Variants in GDA observed in about 807,000 individuals in gnomAD.
The protein encoded by GDA is guanine deaminase.
Under a neutral mutation model 59.6 loss-of-function variants are expected in GDA, and 18 were observed. That is an observed-to-expected ratio of 0.30 (90% CI 0.21 to 0.45). The LOEUF is 0.45. GDA is among the 20% of genes least tolerant of loss of function. The pLI is 1.00. For missense variants in GDA, 427 were observed against 552.3 expected, an observed-to-expected ratio of 0.77 and a Z score of 2.27; for synonymous variants, 201 against 201.1, an observed-to-expected ratio of 1.00 and a Z score of 0.00.
At chr9:72,223,634 T>G (rs1837186648) in intron 7 of GDA, among the ~76,000 whole-genome samples, 1 of 152,194 alleles carries the variant, frequency 6.6e-6, no homozygotes, top group South Asian at 2.1e-4. Context: ...CAGCTATTAT[T>G]TGAAAAGCAA....
Position 72,227,957 on chromosome 9 carries a change from C to T in GDA, c.837C>T (p.His279=), listed in dbSNP as rs748189548. 15 of 1,600,038 alleles carry T rather than the reference C, an allele frequency of 9.4e-6. No homozygotes were observed. The highest frequency in any genetic ancestry group is 4.5e-5 in the East Asian group (2 of 44,822). The part of the protein sequence containing the change: ...NLLTNKTVMA[H]GCYLSAEELN... ...CTTCTCTCCAGACAGTGATGGCACA[C>T]GGCTGCTACCTCTCTGCAGAAGAAC... Residue 279 remains histidine (H), a synonymous_variant, in exon 9 of 14, where the codon CAC becomes CAT. Transcript: ENST00000358399.
intron 6 of GDA, among the ~76,000 whole-genome samples, chr9:72,221,238 C>T (rs775795901): frequency 1.3e-5 from 2 of 152,178 alleles, no homozygotes; most frequent in East Asian, 1.9e-4. Context: ...TATCACCTCA[C>T]TTTTAGTCTC....
At chr9:72,151,664 G>A (rs1827220610) in intron 1 of GDA, among the ~76,000 whole-genome samples, 1 of 151,098 alleles carries the variant, frequency 6.6e-6, no homozygotes, top group African/African-American at 2.4e-5. Context: ...CTGGAGTGTA[G>A]TGGCTTGATC....
downstream of GDA, among the ~76,000 whole-genome samples, chr9:72,254,832 TGA>T (rs1840849374): frequency 6.6e-6 from 1 of 152,218 alleles, no homozygotes; most frequent in East Asian, 1.9e-4. Context: ...CTGGAACACT[TGA>T]GAGACTTCAA....
chr9:72,216,317 A>C (rs547096989), intron 5 of GDA, among the ~76,000 whole-genome samples: 1 of 152,220 alleles, frequency 6.6e-6, no homozygotes, highest in Non-Finnish European at 1.5e-5. Flanking sequence ...GGGTGGTTGC[A>C]TTTCCAGCAC....
intron 1 of GDA, among the ~76,000 whole-genome samples, chr9:72,150,209 A>G (rs190127004): frequency 1.3e-5 from 2 of 152,244 alleles, no homozygotes; most frequent in East Asian, 3.9e-4. Flanking sequence ...AACAGAGATA[A>G]TATACTAACG....
chr9:72,170,368 G>A (rs1172705684), intron 1 of GDA, among the ~76,000 whole-genome samples: 1 of 152,134 alleles, frequency 6.6e-6, no homozygotes, highest in Non-Finnish European at 1.5e-5. Flanking sequence ...GAAAAATAAA[G>A]CTCATAGCTG....
intron 11 of GDA, 113 bp downstream of exon 11, chr9:72,241,411 A>G: frequency 2.7e-6 from 2 of 728,938 alleles, no homozygotes; most frequent in Non-Finnish European, 2.2e-6. Context: ...ATTTGTGATG[A>G]TCACATCTCA....
intron 3 of GDA, among the ~76,000 whole-genome samples, chr9:72,204,880 G>A (rs1301717771): frequency 6.6e-6 from 1 of 152,142 alleles, no homozygotes; most frequent in Non-Finnish European, 1.5e-5. Context: ...GGGAGACCAA[G>A]GTGGGTGGAT....
In GDA at chr9:72,199,734, G is replaced by A. The variant is rs573374550; in HGVS notation, c.213-2837G>A. 3.3e-5 allele frequency among the ~76,000 whole-genome samples: 5 copies of A among 152,190 alleles called. No homozygotes were observed. The South Asian group carries it at 1.0e-3, about 32-fold the overall frequency. ...CTGAGGCCATGCATTTTTGACCCTT[G>A]CAGTTTTTGGCACTAGTCACTGCCC... is the stretch of plus-strand genomic sequence containing the variant. On this transcript the variant is annotated intron_variant, in intron 2 of 13. Coordinates refer to ENST00000358399, the MANE Select transcript of GDA (RefSeq NM_004293.5).
At chr9:72,201,572 T>A (rs1308259852) in intron 2 of GDA, among the ~76,000 whole-genome samples, 1 of 152,196 alleles carries the variant, frequency 6.6e-6, no homozygotes, top group Non-Finnish European at 1.5e-5. Flanking sequence ...TGTATACATT[T>A]GATTTGATAG....
At position 72,252,126 on chromosome 9, in the gene GDA, A is replaced by T. The variant is rs1249386017; in HGVS notation, c.*3784A>T. On this transcript the variant is annotated 3_prime_UTR_variant, in exon 14 of 14. Transcript: ENST00000358399. ...TATACATGTATGTATTCATAGGAACATTTTTTCTCAATATTTGTATGATTC... is the reference window on the plus strand; with the variant it reads ...TATACATGTATGTATTCATAGGAACTTTTTTTCTCAATATTTGTATGATTC... The T allele has an allele frequency of 6.6e-6, 1 of 152,446 alleles. No homozygotes were observed. Among genetic ancestry groups the T allele is most frequent in the Non-Finnish European group, 1.5e-5 (1 of 68,002 alleles). The allele number at this position is 152,446 out of a possible 1,614,324, so 9.4% of individuals were successfully genotyped here.
In GDA at chr9:72,165,173, A is replaced by G. The variant is rs1227703793; in HGVS notation, c.123+15491A>G. On this transcript the variant is annotated intron_variant, in intron 1 of 13. Coordinates refer to ENST00000358399, the MANE Select transcript of GDA (RefSeq NM_004293.5). ...GCCTTCCTGTATTGTATGGTGAATA[A>G]CTTCTTTCCAAGGACGTTTCAAAAG... Among the ~76,000 whole-genome samples the G allele has an allele frequency of 2.0e-5, 3 of 152,282 alleles. No individual in the cohort carries two copies. In the East Asian group the frequency reaches 5.8e-4, roughly 29 times the overall value.
intron 3 of GDA, 137 bp downstream of exon 3, chr9:72,202,879 C>CTTTTTTA: frequency 1.2e-5 from 8 of 652,958 alleles, no homozygotes; most frequent in Admixed American, 2.7e-5. Flanking sequence ...GTTTCTTTTT[C>CTTTTTTA]ACAGTCCAGT....
downstream of GDA, among the ~76,000 whole-genome samples, chr9:72,253,761 A>G (rs986558861): frequency 6.6e-6 from 1 of 152,166 alleles, no homozygotes; most frequent in African/African-American, 2.4e-5. Context: ...CAGTTTGCAC[A>G]TTGTAGACAC....
chr9:72,152,023 C>A (rs1693976170), intron 1 of GDA, among the ~76,000 whole-genome samples: 1 of 152,172 alleles, frequency 6.6e-6, no homozygotes, highest in African/African-American at 2.4e-5. Context: ...GACTCTGAAT[C>A]TATAGACCTG....
At chr9:72,189,454 A>G (rs1045487245) in intron 1 of GDA, among the ~76,000 whole-genome samples, 1 of 152,018 alleles carries the variant, frequency 6.6e-6, no homozygotes, top group African/African-American at 2.4e-5. Flanking sequence ...CTGGGATTAC[A>G]GGCGTAAGCC....
intron 5 of GDA, chr9:72,214,991 C>CCCT (rs201147115): frequency 0.017 from 2,828 of 166,526 alleles, 79 homozygotes; most frequent in African/African-American, 0.064. Flanking sequence ...GCCTTGGCCA[C>CCCT]CCAAAGCACT....
chr9:72,169,254 A>G (rs1829679434), intron 1 of GDA, among the ~76,000 whole-genome samples: 1 of 152,222 alleles, frequency 6.6e-6, no homozygotes, highest in Non-Finnish European at 1.5e-5. Flanking sequence ...ATCTTTATAC[A>G]GGAGAGGAAT....
Sources: gnomAD v4.1 joint callset for allele counts (sites outside exome capture counted in the v4.1 genomes callset) on GRCh38, gnomAD v4.1.1 for gene constraint, MANE v1.5 for transcripts, NCBI Gene and HGNC (gene_info 2026-07-23, HGNC 2026-07-21) for gene names.